COX6C: variants seen among roughly 807,000 people sequenced by gnomAD.
COX6C encodes the protein cytochrome c oxidase subunit 6C, also known as cytochrome c oxidase polypeptide VIc.
A neutral mutation model predicts 6.9 loss-of-function variants in COX6C; 3 were observed. The observed-to-expected ratio is 0.43, with a 90% CI of 0.20 to 1.12. COX6C has a LOEUF of 1.12. Among genes scored for constraint, COX6C ranks in the 50% most tolerant of loss-of-function variants. The probability of loss-of-function intolerance (pLI) is 0.27; values close to 1 mark genes in which losing one functional copy is unlikely to be tolerated. For synonymous variants in COX6C, 32 were observed against 32.0 expected, an observed-to-expected ratio of 1.00 and a Z score of 0.00; for missense variants, 101 against 97.3, an observed-to-expected ratio of 1.04 and a Z score of -0.16.
intron 3 of COX6C, among the ~76,000 whole-genome samples, chr8:99,881,223 A>G (rs1817857446): frequency 6.6e-6 from 1 of 152,072 alleles, no homozygotes; most frequent in Non-Finnish European, 1.5e-5. Context: ...AGCTGAGCAC[A>G]GTGGGGTGCA....
chr8:99,883,471 A>ATATTTT (rs528881148), intron 3 of COX6C, among the ~76,000 whole-genome samples: 22 of 137,736 alleles, frequency 1.6e-4, no homozygotes, highest in African/African-American at 3.4e-4. Flanking sequence ...ATATATATAT[A>ATATTTT]TTTTTTTTTT....
At chr8:99,883,908 T>A (rs1276800282) in intron 3 of COX6C, among the ~76,000 whole-genome samples, 3 of 152,022 alleles carry the variant, frequency 2.0e-5, no homozygotes, top group African/African-American at 7.2e-5. Context: ...GAATGAAGGA[T>A]AAAAAACACA....
chr8:99,893,168 G>C (rs770252378), intron 1 of COX6C: 2 of 152,258 alleles, frequency 1.3e-5, no homozygotes, highest in African/African-American at 4.8e-5. Context: ...CAGTTTTCCA[G>C]CTCTAATTTA....
intron 3 of COX6C, among the ~76,000 whole-genome samples, chr8:99,885,564 C>A (rs1817932960): frequency 6.6e-6 from 1 of 152,120 alleles, no homozygotes; most frequent in Non-Finnish European, 1.5e-5. Context: ...TGGAAGAGGA[C>A]AATCTTAAAT....
chr8:99,886,659 G>C lies in COX6C; in HGVS notation c.*15+831C>G, dbSNP rs983411024. Among the ~76,000 whole-genome samples, 15 of 148,624 alleles carry C rather than the reference G, an allele frequency of 1.0e-4. No individual in the cohort carries two copies. The East Asian group carries it at 2.5e-3, about 25-fold the overall frequency. On this transcript the variant is annotated intron_variant, in intron 3 of 3. Transcript: ENST00000520468. ...ATAACAATGTGACACAACTAAAATA[G>C]ATCATTCAGCTTTAAAAAGAAAGGA...
intron 3 of COX6C, among the ~76,000 whole-genome samples, chr8:99,881,619 CCA>C (rs1817867164): frequency 1.3e-5 from 2 of 151,728 alleles, no homozygotes; most frequent in Admixed American, 1.3e-4. Context: ...CCCATGGTAA[CCA>C]CAAAGAAAAT....
Position 99,878,176 on chromosome 8 carries a change from G to C in COX6C, c.*105C>G, listed in dbSNP as rs1817780214. 6.6e-6 allele frequency: 1 copy of C among 152,156 alleles called. No homozygotes were observed. Among genetic ancestry groups the C allele is most frequent in the Non-Finnish European group, 1.5e-5 (1 of 68,024 alleles). 9.4% of individuals were successfully genotyped at this position (152,156 alleles called of 1,614,324 possible). A position where few individuals can be genotyped will look rare whatever the true frequency, so the allele number is the denominator to read the frequency against. On this transcript the variant is annotated 3_prime_UTR_variant, in exon 4 of 4. Transcript: ENST00000520468. The stretch of plus-strand genomic sequence containing the variant: ...TTTGTTAATTGTTTATTTATCAAGA[G>C]GAACTATTTCTTAGCCCACATATTC...
chr8:99,885,651 T>A (rs893253330), intron 3 of COX6C, among the ~76,000 whole-genome samples: 3 of 152,070 alleles, frequency 2.0e-5, no homozygotes, highest in Non-Finnish European at 4.4e-5. Flanking sequence ...TTCAAGTGAA[T>A]CAAAGATCTA....
chr8:99,878,180 C>CT lies in COX6C; in HGVS notation c.*100dup, dbSNP rs1181677400. 3.9e-5 allele frequency: 6 copies of CT among 152,188 alleles called. No individual in the cohort carries two copies. The highest frequency in any genetic ancestry group is 3.9e-4 in the Admixed American group (6 of 15,282). 9.4% of individuals were successfully genotyped at this position (152,188 alleles called of 1,614,324 possible). On this transcript the variant is annotated 3_prime_UTR_variant, in exon 4 of 4. Coordinates refer to ENST00000520468, the MANE Select transcript of COX6C (RefSeq NM_004374.4). ...TTAATTGTTTATTTATCAAGAGGAA[C>CT]TATTTCTTAGCCCACATATTCATGT...
At chr8:99,888,383 C>T (rs1588829082) in intron 2 of COX6C, among the ~76,000 whole-genome samples, 2 of 151,902 alleles carry the variant, frequency 1.3e-5, no homozygotes, top group Admixed American at 6.6e-5. Flanking sequence ...CCAGCCTGGC[C>T]AACATGATGA....
At chr8:99,880,232 G>T (rs1404671182) in intron 3 of COX6C, among the ~76,000 whole-genome samples, 1 of 152,100 alleles carries the variant, frequency 6.6e-6, no homozygotes, top group East Asian at 1.9e-4. Flanking sequence ...GGCACATAAA[G>T]AAATAGGGAA....
chr8:99,889,301 T>C (rs889307682), intron 2 of COX6C, among the ~76,000 whole-genome samples: 1 of 152,024 alleles, frequency 6.6e-6, no homozygotes, highest in Non-Finnish European at 1.5e-5. Context: ...CCCTAACTTT[T>C]TTTTTTGAGA....
rs1439937210 is a variant in COX6C at position 99,890,427 on chromosome 8, T to A, written c.114+1481A>T. On this transcript the variant is annotated intron_variant, in intron 2 of 3. Coordinates refer to ENST00000520468, the MANE Select transcript of COX6C (RefSeq NM_004374.4). Reference sequence around the variant, plus strand: ...CTCCCCAACTTGACTCTAAGTTCTTTAAGAACAGAGATTTAGCTACATGCC... The same window carrying A: ...CTCCCCAACTTGACTCTAAGTTCTTAAAGAACAGAGATTTAGCTACATGCC... 6.6e-5 allele frequency among the ~76,000 whole-genome samples: 10 copies of A among 152,388 alleles called. No homozygotes were observed. In the East Asian group the frequency reaches 1.5e-3, roughly 23 times the overall value.
chr8:99,887,169 A>T (rs1322925564), intron 3 of COX6C: 1 of 164,288 alleles, frequency 6.1e-6, no homozygotes, highest in Non-Finnish European at 1.3e-5. Context: ...TCTAACACAA[A>T]GCCTAGCTTA....
chr8:99,887,080 T>C (rs891265084), intron 3 of COX6C: 1 of 152,874 alleles, frequency 6.5e-6, no homozygotes, highest in Non-Finnish European at 1.5e-5. Context: ...TTAATACACC[T>C]AACTTACATC....
chr8:99,886,153 G>A (rs1333939645), intron 3 of COX6C: 1 of 152,298 alleles, frequency 6.6e-6, no homozygotes. Flanking sequence ...ACTTTGGGAG[G>A]CCAAGGTGGA....
intron 3 of COX6C, among the ~76,000 whole-genome samples, chr8:99,883,453 G>GTGTGTGTATA (rs34497336): frequency 7.4e-6 from 1 of 135,150 alleles, no homozygotes; most frequent in Non-Finnish European, 1.6e-5. Flanking sequence ...GTGTGTGTGT[G>GTGTGTGTATA]TATATATATA....
intron 3 of COX6C, among the ~76,000 whole-genome samples, chr8:99,885,664 C>G (rs758827962): frequency 1.3e-5 from 2 of 152,100 alleles, no homozygotes; most frequent in Non-Finnish European, 2.9e-5. Context: ...AAGATCTAAA[C>G]ATAAGAGCTA....
At chr8:99,880,217 C>T (rs1409371354) in intron 3 of COX6C, among the ~76,000 whole-genome samples, 1 of 152,020 alleles carries the variant, frequency 6.6e-6, no homozygotes, top group Non-Finnish European at 1.5e-5. Flanking sequence ...CACAAAAGAT[C>T]ACAAGGCACA....
Sources: gnomAD v4.1 joint callset for allele counts (sites outside exome capture counted in the v4.1 genomes callset) on GRCh38, gnomAD v4.1.1 for gene constraint, MANE v1.5 for transcripts, NCBI Gene and HGNC (gene_info 2026-07-23, HGNC 2026-07-21) for gene names.